Variants in SEPTIN1 observed in about 807,000 individuals in gnomAD.
SEPTIN1 encodes the protein septin-1.
SEPTIN1 carries 52 observed loss-of-function variants against 50.7 expected under a neutral mutation model. The ratio of observed to expected loss-of-function variants is 1.03; its 90% CI spans 0.82 to 1.29. The LOEUF is 1.29. SEPTIN1 is among the 50% of genes most tolerant of loss of function. The probability of loss-of-function intolerance (pLI) is 0.00; values close to 1 mark genes in which losing one functional copy is unlikely to be tolerated. For missense variants in SEPTIN1, 455 were observed against 490.7 expected (o/e 0.93, Z 0.69); for synonymous variants, 204 against 189.1 (o/e 1.08, Z -0.65).
In SEPTIN1 at chr16:30,382,014, C is replaced by A; in HGVS notation, c.196+79G>T. ...TCTCAGAAAAAAAGCAGTCAACTAC[C>A]TGAGTCCCCAGATGGAAAAGACTAG... On this transcript the variant is annotated intron_variant, in intron 3 of 10. Transcript: ENST00000321367. This position sits in a 1 kb window ranked among gnomAD's most constrained non-coding sequence, Gnocchi z 4.8. The A allele has an allele frequency of 6.2e-7, 1 of 1,600,414 alleles. No individual in the cohort carries two copies. Among genetic ancestry groups the A allele is most frequent in the Non-Finnish European group, 8.5e-7 (1 of 1,169,810 alleles).
chr16:30,381,427 G>C lies in SEPTIN1; in HGVS notation c.367C>G (p.Leu123Val). The C allele has an allele frequency of 1.2e-6, 2 of 1,614,058 alleles. No homozygotes were observed. The highest frequency in any genetic ancestry group is 1.7e-6 in the Non-Finnish European group (2 of 1,180,032). Reference protein sequence around the residue: ...KFIEEQFEQYLRDESGLNRKN... With the variant: ...KFIEEQFEQYVRDESGLNRKN... ...CGGTTCAGGCCACTCTCATCCCTAA[G>C]GTACTGCTCAAATTGCTCCTCGATG... Residue 123 changes from leucine (L) to valine (V), a missense_variant, in exon 5 of 11, where the codon CTT (leucine) becomes GTT (valine). Transcript: ENST00000321367. The surrounding 1 kb of genome is among the most constrained non-coding windows in gnomAD (Gnocchi z 4.3).
chr16:30,379,611 C>A, intron 7 of SEPTIN1, 77 bp from the exon 8 acceptor site: 1 of 943,664 alleles, frequency 1.1e-6, no homozygotes, highest in African/African-American at 1.6e-5. Context: ...AATCTCCACA[C>A]CCGCCTCCTC....
chr16:30,381,525 G>T lies in SEPTIN1; in HGVS notation c.321-52C>A. On this transcript the variant is annotated intron_variant, in intron 4 of 10. Coordinates refer to ENST00000321367, the MANE Select transcript of SEPTIN1 (RefSeq NM_001365977.2). The surrounding 1 kb of genome is among the most constrained non-coding windows in gnomAD (Gnocchi z 4.3). ...CAGAGATCAAAGGCCAGAGGGCAGG[G>T]GGCAAGGCTAGCCAGGACTGTGGGA... 1 of 1,604,862 alleles carries T rather than the reference G, an allele frequency of 6.2e-7. No homozygotes were observed. Among genetic ancestry groups the T allele is most frequent in the South Asian group, 1.1e-5 (1 of 90,756 alleles).
chr16:30,382,389 G>A lies in SEPTIN1; in HGVS notation c.19-24C>T, dbSNP rs2049862801. 1.9e-6 allele frequency: 3 copies of A among 1,592,530 alleles called. No homozygotes were observed. Among genetic ancestry groups the A allele is most frequent in the Non-Finnish European group, 2.6e-6 (3 of 1,165,832 alleles). On this transcript the variant is annotated intron_variant, in intron 1 of 10. Coordinates refer to ENST00000321367, the MANE Select transcript of SEPTIN1 (RefSeq NM_001365977.2). This position sits in a 1 kb window ranked among gnomAD's most constrained non-coding sequence, Gnocchi z 4.8. ...TCCTATGGATGGGGGTGGACAATATGAGGCTGCTGGCAATGGCAGGCAGGG... is the reference window on the plus strand; with the variant it reads ...TCCTATGGATGGGGGTGGACAATATAAGGCTGCTGGCAATGGCAGGCAGGG...
At position 30,379,194 on chromosome 16, in the gene SEPTIN1, G is replaced by A. The variant is rs759914726; in HGVS notation, c.776-11C>T. The A allele has an allele frequency of 1.2e-6, 2 of 1,613,682 alleles. No individual in the cohort carries two copies. Among genetic ancestry groups the A allele is most frequent in the Non-Finnish European group, 1.7e-6 (2 of 1,179,656 alleles). ...GATGTGGGTTCTCCACTGGAGGGGG[G>A]GCGGCGCGGACCAGCGAACGTCAGG... On this transcript the variant is annotated splice_polypyrimidine_tract_variant and intron_variant, in intron 8 of 10. Transcript: ENST00000321367.
upstream of SEPTIN1, chr16:30,382,741 C>T: frequency 6.5e-7 from 1 of 1,536,264 alleles, no homozygotes; most frequent in Non-Finnish European, 8.7e-7. This position sits in a 1 kb window ranked among gnomAD's most constrained non-coding sequence, Gnocchi z 4.8. Flanking sequence ...GTACCTTCAA[C>T]CCTCCATCCT....
In SEPTIN1 at chr16:30,379,448, C is replaced by G; in HGVS notation, c.762G>C (p.Trp254Cys). ...NRPVRGRRYS[W>C]GTVEVENPHH... Reference sequence around the variant, plus strand: ...GGCCTCACTCACCCTCCACGGTCCCCCAGGAGTAGCGGCGTCCCCTCACCG... The same window carrying G: ...GGCCTCACTCACCCTCCACGGTCCCGCAGGAGTAGCGGCGTCCCCTCACCG... The change falls in exon 8 of 11, where the codon TGG becomes TGC. Residue 254 changes from tryptophan (W) to cysteine (C), a missense_variant. By Grantham distance (215) the Trp-to-Cys change is radical (BLOSUM62 -2). Coordinates refer to ENST00000321367, the MANE Select transcript of SEPTIN1 (RefSeq NM_001365977.2). 2 of 1,613,912 alleles carry G rather than the reference C, an allele frequency of 1.2e-6. No individual in the cohort carries two copies. The highest frequency in any genetic ancestry group is 1.7e-6 in the Non-Finnish European group (2 of 1,179,932).
At chr16:30,378,762 C>T (rs2049790471) in intron 9 of SEPTIN1, 62 bp from the exon 10 acceptor site, 1 of 1,492,092 alleles carries the variant, frequency 6.7e-7, no homozygotes, top group Non-Finnish European at 9.1e-7. Context: ...GGGTGAGGCC[C>T]AGGAGGCAGG....
At chr16:30,380,956 TCAGAGACATGGCTATGCTGGCGGCTTA>T (rs2049838303) in intron 6 of SEPTIN1, 144 bp downstream of exon 6, 1 of 685,488 alleles carries the variant, frequency 1.5e-6, no homozygotes. Flanking sequence ...TTTTGAGCCT[TCAGAGACATGGCTATGCTGGCGGCTTA>T]CCACCCGCCT....
chr16:30,382,269 C>T lies in SEPTIN1; in HGVS notation c.109+6G>A. The T allele has an allele frequency of 6.2e-7, 1 of 1,613,664 alleles. No individual in the cohort carries two copies. The highest frequency in any genetic ancestry group is 8.5e-7 in the Non-Finnish European group (1 of 1,179,702). The stretch of plus-strand genomic sequence containing the variant: ...CTCCGCAGTTCCCTCTCCAAAACCC[C>T]CAGACCTGCCACCATTAGCGTGAAG... On this transcript the variant is annotated splice_donor_region_variant and intron_variant, in intron 2 of 10. Coordinates refer to ENST00000321367, the MANE Select transcript of SEPTIN1 (RefSeq NM_001365977.2). The surrounding 1 kb of genome is among the most constrained non-coding windows in gnomAD (Gnocchi z 4.8).
rs764645069 is a variant in SEPTIN1 at position 30,379,460 on chromosome 16, G to C, written c.750C>G (p.Arg250=). 8.4e-5 allele frequency: 135 copies of C among 1,613,718 alleles called. No individual in the cohort carries two copies. The highest frequency in any genetic ancestry group is 1.1e-4 in the Non-Finnish European group (134 of 1,179,952). ...RDGGNRPVRG[R]RYSWGTVEVE... ...CCTCCACGGTCCCCCAGGAGTAGCG[G>C]CGTCCCCTCACCGGCCGGTTCCCGC... The change falls in exon 8 of 11, where the codon CGC becomes CGG. Residue 250 remains arginine (R), a synonymous_variant. Transcript: ENST00000321367.
chr16:30,380,333 A>T (rs935593955), intron 6 of SEPTIN1: 1 of 168,606 alleles, frequency 5.9e-6, no homozygotes, highest in Non-Finnish European at 1.3e-5. Context: ...ACAAGGTTTC[A>T]CTCTATCACC....
Position 30,379,510 on chromosome 16 carries a change from C to T in SEPTIN1, c.700G>A (p.Gly234Arg), listed in dbSNP as rs2151110153. The part of the protein sequence containing the change: ...MKESIPFAVV[G>R]SCEVVRDGGN... Reference sequence around the variant, plus strand: ...CCATCCCTCACCACCTCGCATGATCCCACGACTGCAAAAGGGATGCTTTCC... The same window carrying T: ...CCATCCCTCACCACCTCGCATGATCTCACGACTGCAAAAGGGATGCTTTCC... The change falls in exon 8 of 11, where the codon GGA becomes AGA. Residue 234 changes from glycine (G) to arginine (R), a missense_variant. Coordinates refer to ENST00000321367, the MANE Select transcript of SEPTIN1 (RefSeq NM_001365977.2). The T allele has an allele frequency of 1.2e-6, 2 of 1,613,926 alleles. No individual in the cohort carries two copies. The highest frequency in any genetic ancestry group is 1.7e-6 in the Non-Finnish European group (2 of 1,179,986).
Position 30,378,464 on chromosome 16 carries a change from C to G in SEPTIN1, c.1089G>C (p.Gln363His). 1 of 1,575,102 alleles carries G rather than the reference C, an allele frequency of 6.3e-7. No individual in the cohort carries two copies. The highest frequency in any genetic ancestry group is 8.6e-7 in the Non-Finnish European group (1 of 1,164,514). The change falls in exon 11 of 11, where the codon CAG becomes CAC. Residue 363 changes from glutamine (Q) to histidine (H), a missense_variant. Physicochemically the swap from Gln to His is conservative, Grantham distance 24. Coordinates refer to ENST00000321367, the MANE Select transcript of SEPTIN1 (RefSeq NM_001365977.2). ...EKMQAQMQQS[Q>H]AQGEQSDAL ...GGGCGTCTGACTGCTCGCCCTGGGC[C>G]TGGCTCTGCTGCATTTGGGCCTGCA...
chr16:30,382,332 T>C lies in SEPTIN1; in HGVS notation c.52A>G (p.Asn18Asp), dbSNP rs1421977655. The C allele has an allele frequency of 6.2e-7, 1 of 1,613,680 alleles. No homozygotes were observed. The highest frequency in any genetic ancestry group is 8.5e-7 in the Non-Finnish European group (1 of 1,179,736). The change falls in exon 2 of 11, where the codon AAC becomes GAC. Residue 18 changes from asparagine (N) to aspartate (D), a missense_variant. Asn to Asp is a conservative substitution (Grantham distance 23). Transcript: ENST00000321367. This position sits in a 1 kb window ranked among gnomAD's most constrained non-coding sequence, Gnocchi z 4.8. ...TTGACAGACTTGCGGTGCAGCTGGT[T>C]GGGGAGGGCAGCAAAACCCACGTAC... ...KEYVGFAALP[N>D]QLHRKSVKKG... is the part of the protein sequence containing the mutation.
chr16:30,382,747 A>G (rs1480031268), upstream of SEPTIN1: 1 of 1,536,040 alleles, frequency 6.5e-7, no homozygotes, highest in African/African-American at 1.4e-5. This position sits in a 1 kb window ranked among gnomAD's most constrained non-coding sequence, Gnocchi z 4.8. Flanking sequence ...TCAACCCTCC[A>G]TCCTTCACAC....
rs530644709 is a variant in SEPTIN1 at position 30,382,092 on chromosome 16, C to T, written c.196+1G>A. ...CCTCAAGAGGGTGGGGAGGGTCTTA[C>T]CACTGGCCTCTGGCACCTGGCGATC... On this transcript the variant is annotated splice_donor_variant, in intron 3 of 10. Coordinates refer to ENST00000321367, the MANE Select transcript of SEPTIN1 (RefSeq NM_001365977.2). LOFTEE classifies it high-confidence loss of function. The surrounding 1 kb of genome is among the most constrained non-coding windows in gnomAD (Gnocchi z 4.8). The T allele has an allele frequency of 2.5e-6, 4 of 1,578,106 alleles. No individual in the cohort carries two copies. The highest frequency in any genetic ancestry group is 4.7e-5 in the East Asian group (2 of 42,662).
At position 30,381,881 on chromosome 16, in the gene SEPTIN1, G is replaced by A. The variant is rs760021628; in HGVS notation, c.199C>T (p.Arg67Cys). Residue 67 changes from arginine (R) to cysteine (C), a missense_variant and splice_region_variant, in exon 4 of 11, where the codon CGC (arginine) becomes TGC (cysteine). Coordinates refer to ENST00000321367, the MANE Select transcript of SEPTIN1 (RefSeq NM_001365977.2). This position sits in a 1 kb window ranked among gnomAD's most constrained non-coding sequence, Gnocchi z 4.3. ...TCAATGGCCAGGGTCTGTGTCAAGC[G>A]AGCTGTGGGATGGGGGAGAGGTCAG... The part of the protein sequence containing the change: ...EDRQVPEASA[R>C]LTQTLAIERR... 8 of 1,613,962 alleles carry A rather than the reference G, an allele frequency of 5.0e-6. No homozygotes were observed. Among genetic ancestry groups the A allele is most frequent in the African/African-American group, 2.7e-5 (2 of 74,908 alleles).
At position 30,378,471 on chromosome 16, in the gene SEPTIN1, T is replaced by C. The variant is rs200316804; in HGVS notation, c.1082A>G (p.Gln361Arg). Residue 361 changes from glutamine (Q) to arginine (R), a missense_variant, in exon 11 of 11, where the codon CAG (glutamine) becomes CGG (arginine). Transcript: ENST00000321367. ...MLEKMQAQMQ[Q>R]SQAQGEQSDA... is the part of the protein sequence containing the mutation. The stretch of plus-strand genomic sequence containing the variant: ...TGACTGCTCGCCCTGGGCCTGGCTC[T>C]GCTGCATTTGGGCCTGCATCTTCTC... The C allele has an allele frequency of 7.0e-6, 11 of 1,576,614 alleles. No homozygotes were observed. The East Asian group carries it at 2.5e-4, about 36-fold the overall frequency.
Sources: gnomAD v4.1 joint callset for allele counts on GRCh38, gnomAD v4.1.1 for gene constraint, Gnocchi (gnomAD v3.1) non-coding constraint, MANE v1.5 for transcripts, NCBI Gene and HGNC (gene_info 2026-07-23, HGNC 2026-07-21) for gene names.